The following TLN2 variants were observed in gnomAD, a reference collection of about 807,000 sequenced individuals.
TLN2 encodes the protein talin-2.
A neutral mutation model predicts 294.7 loss-of-function variants in TLN2; 118 were observed. The observed-to-expected ratio is 0.40, with a 90% CI of 0.34 to 0.47. TLN2 has a LOEUF of 0.47. Among genes scored for constraint, TLN2 ranks in the 20% least tolerant of loss-of-function variants. The pLI is 0.84. For synonymous variants in TLN2, 1,431 were observed against 1,304.5 expected (o/e 1.10, Z -2.09); for missense variants, 3,083 against 3,282.2 (o/e 0.94, Z 1.48).
intron 8 of TLN2, among the ~76,000 whole-genome samples, chr15:62,657,023 G>A (rs1444302751): frequency 3.3e-5 from 5 of 152,116 alleles, no homozygotes; most frequent in Non-Finnish European, 1.5e-5. Context: ...AAAGAAGTGG[G>A]GAGGCCAAAA....
At chr15:62,424,020 T>C (rs2034564531) in intron 1 of TLN2, among the ~76,000 whole-genome samples, 1 of 152,198 alleles carries the variant, frequency 6.6e-6, no homozygotes, top group Admixed American at 6.5e-5. Flanking sequence ...TGGTTAGACA[T>C]TAGAGCTCTG....
chr15:62,427,470 G>A (rs2034776905), intron 1 of TLN2, among the ~76,000 whole-genome samples: 1 of 152,174 alleles, frequency 6.6e-6, no homozygotes, highest in African/African-American at 2.4e-5. Flanking sequence ...GGACTTGAAG[G>A]TGGCAGGAAG....
At chr15:62,542,450 A>G (rs1162754957) in intron 1 of TLN2, among the ~76,000 whole-genome samples, 2 of 152,186 alleles carry the variant, frequency 1.3e-5, no homozygotes, top group Admixed American at 6.5e-5. Context: ...TTGGCCTCCC[A>G]AAGTGCTGGG....
intron 44 of TLN2, among the ~76,000 whole-genome samples, chr15:62,782,276 G>T (rs946103842): frequency 6.6e-6 from 1 of 152,220 alleles, no homozygotes; most frequent in Non-Finnish European, 1.5e-5. Flanking sequence ...TTGTTTAAAA[G>T]AATTCGGGCT....
intron 2 of TLN2, among the ~76,000 whole-genome samples, chr15:62,604,980 A>G (rs556709496): frequency 2.6e-5 from 4 of 152,228 alleles, no homozygotes; most frequent in Non-Finnish European, 4.4e-5. Context: ...GCTGTCTTGT[A>G]TGTCTTGTTT....
intron 1 of TLN2, among the ~76,000 whole-genome samples, chr15:62,516,432 C>T (rs2040196008): frequency 6.6e-6 from 1 of 152,224 alleles, no homozygotes; most frequent in African/African-American, 2.4e-5. Flanking sequence ...AGTTTTGCTG[C>T]TCTGCCTGAA....
At chr15:62,765,713 A>G (rs978554905) in intron 40 of TLN2, among the ~76,000 whole-genome samples, 15 of 152,190 alleles carry the variant, frequency 9.9e-5, no homozygotes, top group Admixed American at 4.6e-4. Flanking sequence ...TCAATTCTTT[A>G]GGGGTGAAGA....
chr15:62,451,897 A>G (rs184981800), intron 1 of TLN2, among the ~76,000 whole-genome samples: 2 of 152,258 alleles, frequency 1.3e-5, no homozygotes, highest in African/African-American at 4.8e-5. Flanking sequence ...GACGACCTGC[A>G]GTTTTAGATC....
intron 3 of TLN2, chr15:62,640,075 C>T: frequency 2.3e-6 from 1 of 441,110 alleles, no homozygotes; most frequent in Non-Finnish European, 4.6e-6. Flanking sequence ...GACTGTCCTG[C>T]CGAGCGAGGT....
At chr15:62,820,958 T>G (rs1037432299) in intron 54 of TLN2, among the ~76,000 whole-genome samples, 1 of 152,338 alleles carries the variant, frequency 6.6e-6, no homozygotes, top group East Asian at 1.9e-4. Context: ...ATTTTCTGGT[T>G]TCTCTTTTGC....
chr15:62,570,649 T>A (rs1396914324), intron 1 of TLN2, among the ~76,000 whole-genome samples: 5 of 152,200 alleles, frequency 3.3e-5, no homozygotes, highest in African/African-American at 1.2e-4. Flanking sequence ...GTTGACATTT[T>A]GGGCCGGATC....
intron 1 of TLN2, among the ~76,000 whole-genome samples, chr15:62,543,914 TAATAGTAAGCTGA>T (rs955829985): frequency 5.4e-4 from 82 of 152,178 alleles, no homozygotes; most frequent in African/African-American, 1.9e-3. Flanking sequence ...GGGAGGACTG[TAATAGTAAGCTGA>T]AAACCCAGGA....
Position 62,426,228 on chromosome 15 carries a change from G to T in TLN2, c.-238+35543G>T, listed in dbSNP as rs536872026. 5.3e-5 allele frequency among the ~76,000 whole-genome samples: 8 copies of T among 152,302 alleles called. No homozygotes were observed. The East Asian group carries it at 1.2e-3, about 22-fold the overall frequency. On this transcript the variant is annotated intron_variant, in intron 1 of 58. Coordinates refer to ENST00000636159, the MANE Select transcript of TLN2 (RefSeq NM_015059.3). ...GCATCCTTTGAGGGGGCTGCCAAGT[G>T]CCTGTATCAAGGCTGAAAGTAGGGT...
At chr15:62,455,043 T>C (rs1391486366) in intron 1 of TLN2, among the ~76,000 whole-genome samples, 3 of 152,188 alleles carry the variant, frequency 2.0e-5, no homozygotes, top group African/African-American at 7.2e-5. Flanking sequence ...TGGGCAGTTA[T>C]GTCTGTTACT....
intron 36 of TLN2, 95 bp from the exon 37 acceptor site, chr15:62,755,437 C>T (rs1396538823): frequency 6.9e-7 from 1 of 1,440,354 alleles, no homozygotes; most frequent in Non-Finnish European, 9.3e-7. Flanking sequence ...AGGCTCTGAA[C>T]ATGTGAGTTG....
chr15:62,683,207 C>A (rs1184367916), intron 11 of TLN2, among the ~76,000 whole-genome samples: 1 of 152,226 alleles, frequency 6.6e-6, no homozygotes, highest in Non-Finnish European at 1.5e-5. Context: ...GAGCCAGAAG[C>A]TCAGTCCAGT....
intron 2 of TLN2, among the ~76,000 whole-genome samples, chr15:62,611,697 C>T (rs1312699044): frequency 1.3e-5 from 2 of 152,138 alleles, no homozygotes; most frequent in African/African-American, 2.4e-5. Context: ...GTTTCTCAAG[C>T]CTTCGGAGAG....
chr15:62,675,156 C>G, intron 10 of TLN2, 61 bp from the exon 11 acceptor site: 4 of 1,518,438 alleles, frequency 2.6e-6, no homozygotes, highest in Non-Finnish European at 3.7e-6. Context: ...AACTACCTCT[C>G]TCCAAGTCCA....
At chr15:62,599,625 C>T (rs550069627) in intron 2 of TLN2, among the ~76,000 whole-genome samples, 2 of 152,300 alleles carry the variant, frequency 1.3e-5, no homozygotes, top group South Asian at 4.1e-4. Context: ...GCCTTTTTAC[C>T]TGATCCTAAA....
Sources: allele counts gnomAD v4.1 joint callset (sites outside exome capture counted in the v4.1 genomes callset), GRCh38; gene constraint gnomAD v4.1.1; transcripts MANE v1.5; gene names NCBI Gene and HGNC (gene_info 2026-07-23, HGNC 2026-07-21).